The following RFWD3 variants were observed in gnomAD, a reference collection of about 807,000 sequenced individuals.
The protein encoded by RFWD3 is E3 ubiquitin-protein ligase RFWD3.
A neutral mutation model predicts 87.7 loss-of-function variants in RFWD3; 65 were observed. The observed-to-expected ratio is 0.74, with a 90% CI of 0.61 to 0.91. RFWD3 has a LOEUF of 0.91. RFWD3 is among the 40% of genes least tolerant of loss of function. RFWD3 has a pLI of 0.00. For synonymous variants in RFWD3, 433 were observed against 352.8 expected (o/e 1.23, Z -2.55); for missense variants, 1,078 against 938.5 (o/e 1.15, Z -1.94).
At chr16:74,627,871 G>GA (rs1210054029) in intron 11 of RFWD3, among the ~76,000 whole-genome samples, 2 of 152,074 alleles carry the variant, frequency 1.3e-5, no homozygotes, top group African/African-American at 2.4e-5. Flanking sequence ...AAATTAGAAA[G>GA]AAAAAACCTA....
intron 7 of RFWD3, among the ~76,000 whole-genome samples, 159 bp from the exon 8 acceptor site, chr16:74,636,736 C>T (rs764607071): frequency 2.0e-5 from 3 of 150,474 alleles, no homozygotes; most frequent in Admixed American, 2.0e-4. Flanking sequence ...TTTTTTAAGA[C>T]GGAGTCTCAC....
At chr16:74,647,247 G>C (rs1293759928) in intron 4 of RFWD3, among the ~76,000 whole-genome samples, 1 of 152,088 alleles carries the variant, frequency 6.6e-6, no homozygotes, top group Non-Finnish European at 1.5e-5. Context: ...ATTCACAGCA[G>C]ATGTAAATTA....
intron 11 of RFWD3, among the ~76,000 whole-genome samples, 200 bp from the exon 12 acceptor site, chr16:74,626,754 A>C (rs139388237): frequency 1.3e-5 from 2 of 152,302 alleles, no homozygotes; most frequent in East Asian, 3.9e-4. Flanking sequence ...GCATCAGTGA[A>C]ATTTAGAACC....
At position 74,623,993 on chromosome 16, in the gene RFWD3, C is replaced by T. The variant is rs1464076027; in HGVS notation, c.2260G>A (p.Val754Met). 2.5e-6 allele frequency: 4 copies of T among 1,613,994 alleles called. No homozygotes were observed. The highest frequency in any genetic ancestry group is 2.5e-6 in the Non-Finnish European group (3 of 1,180,032). ...GTAGCCAAGTAGCTGTTACGGTTCA[C>T]CTCAAATGGGCAGATGTCCAACACA... Reference protein sequence around the residue: ...QPVLDICPFEVNRNSYLATLT... With the variant: ...QPVLDICPFEMNRNSYLATLT... Residue 754 changes from valine (V) to methionine (M), a missense_variant, in exon 13 of 13, where the codon GTG becomes ATG. By Grantham distance (21) the Val-to-Met change is conservative. Transcript: ENST00000361070.
At chr16:74,634,081 T>C (rs186610973) in intron 8 of RFWD3, among the ~76,000 whole-genome samples, 43 of 152,254 alleles carry the variant, frequency 2.8e-4, no homozygotes, top group Non-Finnish European at 4.4e-5. Context: ...TTTAAATATG[T>C]AGTTTACTCT....
At chr16:74,630,665 A>C in intron 10 of RFWD3, 116 bp downstream of exon 10, 7 of 858,456 alleles carry the variant, frequency 8.2e-6, no homozygotes, top group Non-Finnish European at 8.4e-6. Flanking sequence ...GTGGATCTTC[A>C]AAAAATTTGT....
rs556191013 is a variant in RFWD3 at position 74,623,603 on chromosome 16, G to A, written c.*325C>T. ...CCCACTCACATCCTAGATGATGAGA[G>A]GACACTCTCTAAGGTCCAGAAAGTC... On this transcript the variant is annotated 3_prime_UTR_variant, in exon 13 of 13. Transcript: ENST00000361070. 24 of 212,024 alleles carry A rather than the reference G, an allele frequency of 1.1e-4. No individual in the cohort carries two copies. The highest frequency in any genetic ancestry group is 1.1e-3 in the Admixed American group (19 of 17,544). 13.1% of individuals were successfully genotyped at this position (212,024 alleles called of 1,614,324 possible).
Position 74,628,635 on chromosome 16 carries a change from TG to T in RFWD3, c.1785del (p.Arg596GlufsTer44). ...TATGGAAATGCAGCTGAGGCAGCTC[TG>T]GGCATGTATGACAGGGAGACCAGTG... ...RCPLVSLSYM[P>X]RAASAAFPYG... On this transcript the variant is annotated frameshift_variant, in exon 11 of 13. Transcript: ENST00000361070. LOFTEE classifies it high-confidence loss of function. 1 of 1,614,168 alleles carries T rather than the reference TG, an allele frequency of 6.2e-7. No homozygotes were observed. The highest frequency in any genetic ancestry group is 8.5e-7 in the Non-Finnish European group (1 of 1,180,034).
intron 3 of RFWD3, among the ~76,000 whole-genome samples, chr16:74,651,278 G>C (rs572858896): frequency 6.6e-6 from 1 of 152,306 alleles, no homozygotes; most frequent in African/African-American, 2.4e-5. Flanking sequence ...GGACTTGAAA[G>C]TGTCAGCCTA....
intron 4 of RFWD3, among the ~76,000 whole-genome samples, chr16:74,648,762 G>T (rs2144242176): frequency 6.6e-6 from 1 of 151,546 alleles, no homozygotes; most frequent in South Asian, 2.1e-4. Context: ...GCAACAGAGT[G>T]AGACTCCGTC....
rs1959001237 is a variant in RFWD3 at position 74,628,487 on chromosome 16, T to C, written c.1934A>G (p.Asn645Ser). The change falls in exon 11 of 13, where the codon AAC (asparagine) becomes AGC (serine). Residue 645 changes from asparagine (N) to serine (S), a missense_variant. By Grantham distance (46) the Asn-to-Ser change is conservative. Transcript: ENST00000361070. ...GGTCACAAGACAGTGCCGGGAGCTG[T>C]TCTCTGTCTGAAAGTCTATGCAGCC... ...PGGCIDFQTENSSRHCLVTYR... is the reference protein window; with the variant it reads ...PGGCIDFQTESSSRHCLVTYR... 2 of 1,614,036 alleles carry C rather than the reference T, an allele frequency of 1.2e-6. No individual in the cohort carries two copies. The highest frequency in any genetic ancestry group is 1.3e-5 in the African/African-American group (1 of 74,906).
At chr16:74,656,518 T>G (rs1961001779) in intron 2 of RFWD3, among the ~76,000 whole-genome samples, 1 of 152,046 alleles carries the variant, frequency 6.6e-6, no homozygotes, top group Non-Finnish European at 1.5e-5. Flanking sequence ...GGTCTGGCTC[T>G]GTCACCCAGG....
intron 4 of RFWD3, 124 bp from the exon 5 acceptor site, chr16:74,644,859 C>G (rs1322984543): frequency 2.6e-6 from 2 of 765,664 alleles, no homozygotes; most frequent in Admixed American, 2.9e-5. Flanking sequence ...CTACAGAACA[C>G]TTGTAACACC....
At chr16:74,627,413 C>T (rs1355385065) in intron 11 of RFWD3, among the ~76,000 whole-genome samples, 2 of 152,086 alleles carry the variant, frequency 1.3e-5, no homozygotes, top group Non-Finnish European at 2.9e-5. Flanking sequence ...CCACCCCTAC[C>T]CCACCCCTAA....
chr16:74,644,903 T>C (rs891790735), intron 4 of RFWD3, among the ~76,000 whole-genome samples, 168 bp from the exon 5 acceptor site: 4 of 152,220 alleles, frequency 2.6e-5, no homozygotes, highest in Non-Finnish European at 4.4e-5. Context: ...TAGAATGCAA[T>C]GTCACAAAAT....
chr16:74,644,704 G>T lies in RFWD3; in HGVS notation c.824C>A (p.Pro275His). The change falls in exon 5 of 13, where the codon CCT becomes CAT. Residue 275 changes from proline (P) to histidine (H), a missense_variant. Coordinates refer to ENST00000361070, the MANE Select transcript of RFWD3 (RefSeq NM_018124.4). Reference sequence around the variant, plus strand: ...TTCTTCCTCATCCATAGAAGCAGAAGGTAGCAGAGGCTCAGACTTCTGGGG... The same window carrying T: ...TTCTTCCTCATCCATAGAAGCAGAATGTAGCAGAGGCTCAGACTTCTGGGG... ...PSPQKSEPLL[P>H]SASMDEEEGD... The T allele has an allele frequency of 6.2e-7, 1 of 1,614,154 alleles. No homozygotes were observed. Among genetic ancestry groups the T allele is most frequent in the Non-Finnish European group, 8.5e-7 (1 of 1,180,012 alleles).
rs1216462515 is a variant in RFWD3, at chr16:74,644,517, T to C, written c.987+24A>G. 2.5e-6 allele frequency: 4 copies of C among 1,614,072 alleles called. No individual in the cohort carries two copies. The African/African-American group carries it at 5.3e-5, about 22-fold the overall frequency. On this transcript the variant is annotated intron_variant, in intron 5 of 12. Transcript: ENST00000361070. The stretch of plus-strand genomic sequence containing the variant: ...GAATCTGCCTGACTTAACATGTTAA[T>C]GTGTCCTTACCTATGGTCCTTACCT...
intron 9 of RFWD3, 42 bp downstream of exon 9, chr16:74,632,480 CA>C (rs1394620347): frequency 6.2e-7 from 1 of 1,604,122 alleles, no homozygotes; most frequent in Non-Finnish European, 8.5e-7. Flanking sequence ...TGCTACTCAA[CA>C]CCAAAGAGCC....
intron 1 of RFWD3, chr16:74,666,380 T>G (rs1961923852): frequency 6.6e-6 from 1 of 152,152 alleles, no homozygotes; most frequent in Non-Finnish European, 1.5e-5. Flanking sequence ...ATGAAGTTCT[T>G]CCATCAACTT....
Sources: allele counts gnomAD v4.1 joint callset (sites outside exome capture counted in the v4.1 genomes callset), GRCh38; gene constraint gnomAD v4.1.1; transcripts MANE v1.5; gene names NCBI Gene and HGNC (gene_info 2026-07-23, HGNC 2026-07-21).